The following PPFIA1 variants were observed in gnomAD, a reference collection of about 807,000 sequenced individuals.
PPFIA1 encodes PPFI scaffold protein A1.
In PPFIA1, 25 loss-of-function variants were observed where a neutral mutation model predicts 149.9. That is an observed-to-expected ratio of 0.17 (90% CI 0.12 to 0.23). The LOEUF (loss-of-function observed/expected upper bound fraction) is 0.23, where lower values mean the gene tolerates loss of function less well. Ranked by LOEUF, PPFIA1 falls within the 10% of genes least tolerant of loss-of-function variation. The probability of loss-of-function intolerance (pLI) is 1.00; values close to 1 mark genes in which losing one functional copy is unlikely to be tolerated. For synonymous variants in PPFIA1, 549 were observed against 552.8 expected, an observed-to-expected ratio of 0.99 and a Z score of 0.10; for missense variants, 1,362 against 1,506.5, an observed-to-expected ratio of 0.90 and a Z score of 1.59.
Position 70,315,857 on chromosome 11 carries a change from A to G in PPFIA1, c.265-8545A>G, listed in dbSNP as rs2053589724. Among the ~76,000 whole-genome samples the G allele has an allele frequency of 2.6e-5, 4 of 151,396 alleles. No individual in the cohort carries two copies. The South Asian group carries it at 8.3e-4, about 32-fold the overall frequency. On this transcript the variant is annotated intron_variant, in intron 2 of 27. Transcript: ENST00000253925. The stretch of plus-strand genomic sequence containing the variant: ...CCCAAACCGAAACTCCATCCCCATT[A>G]AACACCAACTCCCTATCTCACCCTC...
intron 2 of PPFIA1, among the ~76,000 whole-genome samples, chr11:70,300,622 C>T (rs915847851): frequency 6.6e-6 from 1 of 152,038 alleles, no homozygotes; most frequent in African/African-American, 2.4e-5. Flanking sequence ...GCCAGCTCCC[C>T]TCCTGGTTTC....
At chr11:70,289,424 A>G (rs995589076) in intron 2 of PPFIA1, among the ~76,000 whole-genome samples, 1 of 152,156 alleles carries the variant, frequency 6.6e-6, no homozygotes, top group South Asian at 2.1e-4. Flanking sequence ...ATTTCTAATA[A>G]TATTAACATT....
chr11:70,343,938 T>G, intron 15 of PPFIA1, 46 bp downstream of exon 15: 7 of 1,506,810 alleles, frequency 4.6e-6, no homozygotes, highest in African/African-American at 1.4e-5. Context: ...TGGGTGTCTC[T>G]GAGGAATCTC....
At chr11:70,330,024 G>A in intron 7 of PPFIA1, 149 bp from the exon 8 acceptor site, 1 of 649,558 alleles carries the variant, frequency 1.5e-6, no homozygotes, top group Non-Finnish European at 2.5e-6. Flanking sequence ...TGTGATTATA[G>A]GAGTGAGCTG....
chr11:70,335,524 T>C (rs1428869619), intron 10 of PPFIA1, 39 bp from the exon 11 acceptor site: 1 of 1,605,730 alleles, frequency 6.2e-7, no homozygotes, highest in Admixed American at 1.7e-5. Context: ...GATCGAGGAT[T>C]TACGTGAGGT....
chr11:70,356,892 T>G (rs1251999171), intron 19 of PPFIA1, among the ~76,000 whole-genome samples: 3 of 152,220 alleles, frequency 2.0e-5, no homozygotes, highest in Non-Finnish European at 4.4e-5. Flanking sequence ...AATTCTAAAC[T>G]AAGTCTGCTT....
chr11:70,352,626 T>A (rs934010633), intron 16 of PPFIA1, among the ~76,000 whole-genome samples: 1 of 151,974 alleles, frequency 6.6e-6, no homozygotes, highest in African/African-American at 2.4e-5. Flanking sequence ...GTGTCAGTGG[T>A]GTTGGTGTAG....
At chr11:70,377,093 C>CA (rs1034264301) in intron 25 of PPFIA1, among the ~76,000 whole-genome samples, 86 of 142,808 alleles carry the variant, frequency 6.0e-4, no homozygotes, top group South Asian at 1.3e-3. Flanking sequence ...CCCCTCCCCG[C>CA]AAAAAAAAAA....
intron 2 of PPFIA1, among the ~76,000 whole-genome samples, chr11:70,295,386 C>A (rs1288443958): frequency 6.9e-6 from 1 of 144,136 alleles, no homozygotes; most frequent in African/African-American, 2.6e-5. Flanking sequence ...GGGGGCTGAC[C>A]CCCCCATCTC....
intron 14 of PPFIA1, among the ~76,000 whole-genome samples, chr11:70,343,150 G>T (rs1255000566): frequency 6.6e-6 from 1 of 152,034 alleles, no homozygotes; most frequent in African/African-American, 2.4e-5. Context: ...GTTTCGCCAT[G>T]CTGGCCAGGT....
intron 16 of PPFIA1, among the ~76,000 whole-genome samples, chr11:70,351,441 G>T (rs1227399705): frequency 6.6e-6 from 1 of 152,202 alleles, no homozygotes; most frequent in Non-Finnish European, 1.5e-5. Flanking sequence ...GTCTGGTATA[G>T]GCTGAGTGTC....
chr11:70,276,528 T>G (rs776088535), intron 2 of PPFIA1, among the ~76,000 whole-genome samples: 3 of 152,204 alleles, frequency 2.0e-5, no homozygotes, highest in Non-Finnish European at 2.9e-5. Context: ...ATCAAGGTTA[T>G]GCTGGTTTCT....
At position 70,381,856 on chromosome 11, in the gene PPFIA1, C is replaced by T. The variant is rs544746435; in HGVS notation, c.3551-232C>T. 5.1e-4 allele frequency among the ~76,000 whole-genome samples: 77 copies of T among 152,270 alleles called. 2 individuals are homozygous for T. In the South Asian group the frequency reaches 0.015, roughly 30 times the overall value. ...CTGTACCATTTGGTGCTTGGTATTTCGGAGTAGTGTTCCAGAGTCTCCCGG... is the reference window on the plus strand; with the variant it reads ...CTGTACCATTTGGTGCTTGGTATTTTGGAGTAGTGTTCCAGAGTCTCCCGG... On this transcript the variant is annotated intron_variant, in intron 26 of 27. Transcript: ENST00000253925.
intron 2 of PPFIA1, among the ~76,000 whole-genome samples, chr11:70,298,369 G>A (rs1194247844): frequency 6.6e-6 from 1 of 152,152 alleles, no homozygotes; most frequent in Non-Finnish European, 1.5e-5. Context: ...TTGTTTTCTT[G>A]TGCAAACCAT....
At chr11:70,379,472 T>A (rs117908011) in intron 26 of PPFIA1, among the ~76,000 whole-genome samples, 166 of 134,202 alleles carry the variant, frequency 1.2e-3, no homozygotes, top group African/African-American at 4.1e-3. Context: ...AAAAAAAAAA[T>A]TTTTTTTTAA....
At chr11:70,302,543 C>T (rs556744715) in intron 2 of PPFIA1, among the ~76,000 whole-genome samples, 92 of 152,296 alleles carry the variant, frequency 6.0e-4, no homozygotes, top group African/African-American at 2.1e-3. Flanking sequence ...TAAACCCTTT[C>T]TTTTTATCAT....
chr11:70,344,269 G>A (rs3781644), intron 15 of PPFIA1, among the ~76,000 whole-genome samples: 26,618 of 152,122 alleles, frequency 0.17, 2,992 homozygotes, highest in African/African-American at 0.31. Flanking sequence ...GGAGGAGGCT[G>A]ATCGGCCTAC....
chr11:70,324,539 G>C (rs368650819), intron 3 of PPFIA1, 36 bp downstream of exon 3: 1 of 1,522,184 alleles, frequency 6.6e-7, no homozygotes, highest in Non-Finnish European at 9.1e-7. Context: ...CCTGCCCCTG[G>C]AGCCACTGTC....
At chr11:70,308,205 C>G (rs1020143806) in intron 2 of PPFIA1, among the ~76,000 whole-genome samples, 1 of 152,162 alleles carries the variant, frequency 6.6e-6, no homozygotes, top group African/African-American at 2.4e-5. Context: ...TGTGCCGCCA[C>G]GGCCAGCTAA....
Sources: gnomAD v4.1 joint callset for allele counts (sites outside exome capture counted in the v4.1 genomes callset) on GRCh38, gnomAD v4.1.1 for gene constraint, MANE v1.5 for transcripts, NCBI Gene and HGNC (gene_info 2026-07-23, HGNC 2026-07-21) for gene names.